The following PROM1 variants were observed in gnomAD, a reference collection of about 807,000 sequenced individuals.
PROM1 encodes prominin 1.
PROM1 carries 105 observed loss-of-function variants against 116.9 expected under a neutral mutation model. The observed-to-expected ratio is 0.90, with a 90% CI of 0.77 to 1.06. The LOEUF is 1.06. Among genes scored for constraint, PROM1 ranks in the 50% least tolerant of loss-of-function variants. The pLI, the probability that PROM1 is intolerant of heterozygous loss-of-function variation, is 0.00. For missense variants in PROM1, 1,122 were observed against 1,045.2 expected, an observed-to-expected ratio of 1.07 and a Z score of -1.01; for synonymous variants, 393 against 387.0, an observed-to-expected ratio of 1.02 and a Z score of -0.18.
intron 14 of PROM1, among the ~76,000 whole-genome samples, chr4:15,999,662 A>T (rs1165548442): frequency 1.3e-5 from 2 of 152,142 alleles, no homozygotes; most frequent in African/African-American, 2.4e-5. Context: ...TCTTTCTTTT[A>T]TCAAAAGGCC....
chr4:16,029,222 A>G (rs1732088959), intron 5 of PROM1, among the ~76,000 whole-genome samples: 1 of 152,228 alleles, frequency 6.6e-6, no homozygotes, highest in Non-Finnish European at 1.5e-5. Flanking sequence ...ATTGGCAATC[A>G]CGTCCTAGTA....
intron 1 of PROM1, among the ~76,000 whole-genome samples, chr4:16,077,820 C>T (rs565531569): frequency 1.3e-5 from 2 of 152,116 alleles, no homozygotes; most frequent in Admixed American, 6.6e-5. Flanking sequence ...TTCTCTTTGC[C>T]GCTGGAGATA....
At chr4:16,076,163 C>CTGCCTGCACCTGGAGCTGCCCGG (rs1223977954) in intron 1 of PROM1, 45 bp from the exon 2 acceptor site, 2 of 578,136 alleles carry the variant, frequency 3.5e-6, no homozygotes, top group African/African-American at 3.7e-5. Context: ...TGCGTGTAAA[C>CTGCCTGCACCTGGAGCTGCCCGG]TGCCTGCACC....
chr4:16,049,611 C>A (rs1234856778), intron 2 of PROM1, among the ~76,000 whole-genome samples: 1 of 151,898 alleles, frequency 6.6e-6, no homozygotes, highest in Non-Finnish European at 1.5e-5. Flanking sequence ...GGATATGTGA[C>A]CTAGAACAAT....
At chr4:15,996,132 G>C (rs947282942) in intron 15 of PROM1, among the ~76,000 whole-genome samples, 2 of 152,230 alleles carry the variant, frequency 1.3e-5, no homozygotes, top group Non-Finnish European at 2.9e-5. Context: ...TTGGCATACA[G>C]AAAGCACCAT....
intron 17 of PROM1, among the ~76,000 whole-genome samples, chr4:15,991,778 C>CA: frequency 6.6e-6 from 1 of 151,146 alleles, no homozygotes; most frequent in East Asian, 1.9e-4. Flanking sequence ...ACTAAAAATA[C>CA]AAAAAAAGTT....
intron 12 of PROM1, among the ~76,000 whole-genome samples, chr4:16,007,065 G>GATGTTCTAAGTGCCTATTATA (rs1725697709): frequency 6.6e-6 from 1 of 152,118 alleles, no homozygotes; most frequent in Non-Finnish European, 1.5e-5. Context: ...TAAGGCCTCT[G>GATGTTCTAAGTGCCTATTATA]ATGTTCTAAG....
chr4:16,066,691 T>A (rs1430583713), intron 2 of PROM1, among the ~76,000 whole-genome samples: 2 of 152,206 alleles, frequency 1.3e-5, no homozygotes, highest in African/African-American at 4.8e-5. Context: ...CAAGACTTCA[T>A]TTCTGCTCAA....
Position 16,023,326 on chromosome 4 carries a change from C to T in PROM1, c.784G>A (p.Ala262Thr). Residue 262 changes from alanine to threonine, a missense_variant and splice_region_variant, in exon 8 of 28, where the codon GCG becomes ACG. Ala to Thr is a moderately conservative substitution (Grantham distance 58, BLOSUM62 0). Coordinates refer to ENST00000447510, the MANE Select transcript of PROM1 (RefSeq NM_006017.3). ...VLDEIKSMAT[A>T]IKETKEALEN... ...TTGGTCATTTTTGCCCACTGCTTAC[C>T]TGTTGCCATGGACTTAATCTCATCA... 1.9e-6 allele frequency: 3 copies of T among 1,597,700 alleles called. No individual in the cohort carries two copies. The highest frequency in any genetic ancestry group is 1.7e-6 in the Non-Finnish European group (2 of 1,169,562).
intron 13 of PROM1, among the ~76,000 whole-genome samples, chr4:16,006,068 T>C (rs1179329973): frequency 6.6e-6 from 1 of 152,236 alleles, no homozygotes; most frequent in Non-Finnish European, 1.5e-5. Context: ...TCCTAAGGGT[T>C]CTGCCTTGGC....
At chr4:15,982,553 G>A (rs946185021) in intron 23 of PROM1, among the ~76,000 whole-genome samples, 13 of 152,284 alleles carry the variant, frequency 8.5e-5, no homozygotes, top group South Asian at 6.2e-4. Context: ...TCTTCCTTAC[G>A]ATGTAAACCC....
At chr4:16,047,110 T>C (rs1299118345) in intron 2 of PROM1, among the ~76,000 whole-genome samples, 1 of 152,224 alleles carries the variant, frequency 6.6e-6, no homozygotes, top group African/African-American at 2.4e-5. Flanking sequence ...CGCTACAGTC[T>C]TGAGGCAGGA....
intron 18 of PROM1, 79 bp downstream of exon 18, chr4:15,991,143 C>T: frequency 8.4e-7 from 1 of 1,196,012 alleles, no homozygotes. Flanking sequence ...AGGAACCTCT[C>T]CAGCAGCTTC....
chr4:15,984,861 T>A (rs1436677655), intron 22 of PROM1, among the ~76,000 whole-genome samples: 1 of 152,234 alleles, frequency 6.6e-6, no homozygotes, highest in East Asian at 1.9e-4. Flanking sequence ...GCACTATAAA[T>A]GTAATGCCCT....
chr4:16,009,277 G>A (rs965918399), intron 11 of PROM1, among the ~76,000 whole-genome samples, 169 bp from the exon 12 acceptor site: 14 of 152,252 alleles, frequency 9.2e-5, no homozygotes, highest in African/African-American at 3.4e-4. Flanking sequence ...CAAGACCATC[G>A]AAAAGCAATT....
At chr4:16,034,993 C>A (rs1386897961) in intron 4 of PROM1, among the ~76,000 whole-genome samples, 1 of 152,220 alleles carries the variant, frequency 6.6e-6, no homozygotes, top group Admixed American at 6.5e-5. Flanking sequence ...TGAGCAAATG[C>A]TCAAGACTAG....
intron 23 of PROM1, 49 bp downstream of exon 23, chr4:15,984,214 C>G (rs776642547): frequency 7.1e-7 from 1 of 1,410,936 alleles, no homozygotes; most frequent in Non-Finnish European, 9.8e-7. Flanking sequence ...AGAAAAACAA[C>G]CAAAGATGAT....
Position 16,060,981 on chromosome 4 carries a change from C to A in PROM1, c.220+14706G>T, listed in dbSNP as rs183828920. Among the ~76,000 whole-genome samples the A allele has an allele frequency of 5.9e-5, 9 of 152,310 alleles. No homozygotes were observed. The East Asian group carries it at 1.7e-3, about 29-fold the overall frequency. On this transcript the variant is annotated intron_variant, in intron 2 of 27. Coordinates refer to ENST00000447510, the MANE Select transcript of PROM1 (RefSeq NM_006017.3). ...GGTCTGCATCACACAAAGTGTTCCT[C>A]ATGTCACAGTTGTCCCTTGCCCCTG... is the stretch of plus-strand genomic sequence containing the variant.
At chr4:15,987,530 G>T in intron 20 of PROM1, 133 bp downstream of exon 20, 1 of 921,526 alleles carries the variant, frequency 1.1e-6, no homozygotes, top group South Asian at 1.5e-5. Flanking sequence ...AGCCCAATTT[G>T]CTATTTAAAA....
Sources: gnomAD v4.1 joint callset for allele counts (sites outside exome capture counted in the v4.1 genomes callset) on GRCh38, gnomAD v4.1.1 for gene constraint, MANE v1.5 for transcripts, NCBI Gene and HGNC (gene_info 2026-07-23, HGNC 2026-07-21) for gene names.